Variants in SCGB2B2 observed in about 807,000 individuals in gnomAD.
SCGB2B2 encodes the protein secretoglobin family 2B member 2, also known as secretoglobin-like protein.
In SCGB2B2, 11 loss-of-function variants were observed where a neutral mutation model predicts 7.6. The ratio of observed to expected loss-of-function variants is 1.45; its 90% CI spans 0.91 to 2.40. The LOEUF (loss-of-function observed/expected upper bound fraction) is 2.40. Ranked by LOEUF, SCGB2B2 falls within the 30% of genes most tolerant of loss-of-function variation. SCGB2B2 has a pLI of 0.00. For missense variants in SCGB2B2, 104 were observed against 115.4 expected, an observed-to-expected ratio of 0.90 and a Z score of 0.45; for synonymous variants, 50 against 48.6, an observed-to-expected ratio of 1.03 and a Z score of -0.12.
chr19:34,596,744 G>A (rs899347645), intron 1 of SCGB2B2, 150 bp from the exon 2 acceptor site: 5 of 152,722 alleles, frequency 3.3e-5, no homozygotes, highest in African/African-American at 7.2e-5. Flanking sequence ...AGTGGGCTTC[G>A]TCCTGGGGAC....
intron 1 of SCGB2B2, among the ~76,000 whole-genome samples, chr19:34,669,979 T>C (rs1179297845): frequency 6.6e-6 from 1 of 152,128 alleles, no homozygotes; most frequent in Non-Finnish European, 1.5e-5. Context: ...AGCTTATGAT[T>C]AGCTAGTTTG....
At chr19:34,659,198 A>G (rs1228358143) in intron 1 of SCGB2B2, among the ~76,000 whole-genome samples, 8 of 152,302 alleles carry the variant, frequency 5.3e-5, no homozygotes, top group African/African-American at 1.7e-4. Flanking sequence ...GAATGGGCAA[A>G]AACTGGAAGC....
At chr19:34,667,306 C>G (rs1160136750) in intron 1 of SCGB2B2, among the ~76,000 whole-genome samples, 1 of 152,000 alleles carries the variant, frequency 6.6e-6, no homozygotes, top group Non-Finnish European at 1.5e-5. Flanking sequence ...TCCCTTCAGC[C>G]TCCCACCCCT....
At chr19:34,615,741 TA>T (rs1040877268) in intron 1 of SCGB2B2, among the ~76,000 whole-genome samples, 35 of 152,166 alleles carry the variant, frequency 2.3e-4, no homozygotes, top group African/African-American at 8.0e-4. Context: ...TGGAAGAGTT[TA>T]AAATAGATTG....
intron 1 of SCGB2B2, among the ~76,000 whole-genome samples, chr19:34,603,608 T>C (rs1291378327): frequency 6.6e-6 from 1 of 152,144 alleles, no homozygotes; most frequent in Non-Finnish European, 1.5e-5. Flanking sequence ...AGCAATGTCA[T>C]TGTTCCAGGA....
At chr19:34,588,232 T>A (rs2065223539), downstream of SCGB2B2, among the ~76,000 whole-genome samples, 1 of 152,260 alleles carries the variant, frequency 6.6e-6, no homozygotes, top group Non-Finnish European at 1.5e-5. Flanking sequence ...AAAGTTTGAT[T>A]TCTTTTCAGT....
chr19:34,614,120 T>G (rs2066006065), intron 1 of SCGB2B2, among the ~76,000 whole-genome samples: 1 of 152,200 alleles, frequency 6.6e-6, no homozygotes, highest in Non-Finnish European at 1.5e-5. Flanking sequence ...TGAATCTTTT[T>G]TGGGGCCTTG....
chr19:34,674,038 C>T (rs1328024846), intron 1 of SCGB2B2, among the ~76,000 whole-genome samples: 1 of 152,188 alleles, frequency 6.6e-6, no homozygotes, highest in African/African-American at 2.4e-5. Context: ...TTCTTCTCAC[C>T]TATGCCCTGA....
chr19:34,612,885 T>C (rs1026988919), intron 1 of SCGB2B2, among the ~76,000 whole-genome samples: 3 of 152,226 alleles, frequency 2.0e-5, no homozygotes, highest in Admixed American at 1.3e-4. Context: ...TCTTGGTATA[T>C]TGATTGATCT....
chr19:34,618,011 C>T (rs1445174075), intron 1 of SCGB2B2, among the ~76,000 whole-genome samples: 1 of 152,212 alleles, frequency 6.6e-6, no homozygotes, highest in African/African-American at 2.4e-5. Flanking sequence ...TGCGTGCACC[C>T]ACTGACCTGT....
Position 34,593,441 on chromosome 19 carries a change from T to G in SCGB2B2, c.*114A>C. 1.1e-5 allele frequency: 8 copies of G among 744,034 alleles called. No homozygotes were observed. Among genetic ancestry groups the G allele is most frequent in the Non-Finnish European group, 1.8e-5 (8 of 435,842 alleles). The allele number at this position is 744,034 out of a possible 1,614,324, so 46.1% of individuals were successfully genotyped here. A position where few individuals can be genotyped will look rare whatever the true frequency, so the allele number is the denominator to read the frequency against. On this transcript the variant is annotated 3_prime_UTR_variant, in exon 4 of 4. Transcript: ENST00000601241. The stretch of plus-strand genomic sequence containing the variant: ...CCACACAGATGCCAGAACACAGAAC[T>G]GAGCTGCAGGTGTTCATTGGGGTCT...
intron 1 of SCGB2B2, among the ~76,000 whole-genome samples, chr19:34,670,080 G>A (rs1016141804): frequency 7.2e-5 from 11 of 152,116 alleles, no homozygotes; most frequent in African/African-American, 2.4e-4. Flanking sequence ...AGATATTGGC[G>A]TGGGGTGTGA....
chr19:34,671,305 A>G (rs1279192558), intron 1 of SCGB2B2, among the ~76,000 whole-genome samples: 2 of 152,268 alleles, frequency 1.3e-5, no homozygotes, highest in Non-Finnish European at 2.9e-5. Context: ...TTTCTAAAAC[A>G]TCATTTGATC....
intron 1 of SCGB2B2, among the ~76,000 whole-genome samples, chr19:34,622,918 GT>G (rs35078505): frequency 0.79 from 113,561 of 144,316 alleles, 44,728 homozygotes; most frequent in Middle Eastern, 0.83. Context: ...TTTCATCTAG[GT>G]TTTTTTTTTT....
At chr19:34,600,967 T>G (rs907855990) in intron 1 of SCGB2B2, among the ~76,000 whole-genome samples, 4 of 152,156 alleles carry the variant, frequency 2.6e-5, no homozygotes, top group Admixed American at 2.0e-4. Flanking sequence ...AACATTCTTA[T>G]CTCATGGTCA....
intron 1 of SCGB2B2, among the ~76,000 whole-genome samples, chr19:34,642,941 C>T (rs1245119142): frequency 6.6e-6 from 1 of 152,114 alleles, no homozygotes; most frequent in Non-Finnish European, 1.5e-5. Flanking sequence ...GAAAAATGAA[C>T]TCTTAGATAC....
At chr19:34,638,388 A>G (rs901662600) in intron 1 of SCGB2B2, 2 of 152,056 alleles carry the variant, frequency 1.3e-5, no homozygotes, top group Non-Finnish European at 2.9e-5. Context: ...GGTTGCAGTG[A>G]GCCAAGATTG....
At chr19:34,659,698 A>G (rs2067395491) in intron 1 of SCGB2B2, among the ~76,000 whole-genome samples, 1 of 152,246 alleles carries the variant, frequency 6.6e-6, no homozygotes, top group African/African-American at 2.4e-5. Flanking sequence ...AATATCGTGA[A>G]AATGGCCATA....
intron 1 of SCGB2B2, among the ~76,000 whole-genome samples, chr19:34,601,568 C>G (rs1302022823): frequency 6.6e-6 from 1 of 151,992 alleles, no homozygotes; most frequent in Non-Finnish European, 1.5e-5. Context: ...TTATTTATTC[C>G]AGGGCACCTG....
Sources: allele counts gnomAD v4.1 joint callset (sites outside exome capture counted in the v4.1 genomes callset), GRCh38; gene constraint gnomAD v4.1.1; transcripts MANE v1.5; gene names NCBI Gene and HGNC (gene_info 2026-07-23, HGNC 2026-07-21).